The following PLEKHA5 variants were observed in gnomAD, a reference collection of about 807,000 sequenced individuals.
The protein encoded by PLEKHA5 is pleckstrin homology domain containing A5.
In PLEKHA5, 55 loss-of-function variants were observed where a neutral mutation model predicts 181.9. The ratio of observed to expected loss-of-function variants is 0.30; its 90% CI spans 0.24 to 0.38. The LOEUF (loss-of-function observed/expected upper bound fraction) is 0.38. PLEKHA5 is among the 10% of genes least tolerant of loss of function. The pLI is 1.00. For missense variants in PLEKHA5, 1,432 were observed against 1,549.5 expected (o/e 0.92, Z 1.27); for synonymous variants, 535 against 529.4 (o/e 1.01, Z -0.15).
chr12:19,161,091 C>T (rs2042857068), intron 3 of PLEKHA5, among the ~76,000 whole-genome samples: 1 of 152,008 alleles, frequency 6.6e-6, no homozygotes. Context: ...AGTTCATGTC[C>T]CTTCTTAGTA....
intron 17 of PLEKHA5, 92 bp downstream of exon 17, chr12:19,320,148 G>A: frequency 1.0e-5 from 5 of 499,944 alleles, no homozygotes; most frequent in African/African-American, 2.0e-5. Flanking sequence ...TACACAGTGT[G>A]TGTTTATGTA....
chr12:19,296,234 C>T (rs924682466), intron 15 of PLEKHA5, among the ~76,000 whole-genome samples: 6 of 140,364 alleles, frequency 4.3e-5, no homozygotes, highest in East Asian at 4.4e-4. Flanking sequence ...AGTGAGACTC[C>T]GTCTGAAAAA....
At chr12:19,155,566 A>G (rs2041490722) in intron 3 of PLEKHA5, among the ~76,000 whole-genome samples, 1 of 152,300 alleles carries the variant, frequency 6.6e-6, no homozygotes. Context: ...TTTTGAATCA[A>G]ATGGAATCTG....
At chr12:19,197,556 T>A (rs1268215467) in intron 3 of PLEKHA5, among the ~76,000 whole-genome samples, 1 of 152,140 alleles carries the variant, frequency 6.6e-6, no homozygotes, top group Non-Finnish European at 1.5e-5. Flanking sequence ...TTATTGTGTT[T>A]GCACTTGTCT....
intron 3 of PLEKHA5, among the ~76,000 whole-genome samples, chr12:19,165,519 T>C (rs2044141670): frequency 1.3e-5 from 2 of 152,044 alleles, no homozygotes; most frequent in African/African-American, 4.8e-5. Flanking sequence ...TGTTATGGCC[T>C]CCTAGACATC....
At position 19,257,419 on chromosome 12, in the gene PLEKHA5, C is replaced by G. The variant is rs774935852; in HGVS notation, c.433-14C>G. On this transcript the variant is annotated splice_polypyrimidine_tract_variant and intron_variant, in intron 5 of 31. Transcript: ENST00000429027. ...TTAATACCACATTTTCTGTCATGCT[C>G]TTTTTCTATTTAGACTTCACGAGCT... 3 of 1,345,390 alleles carry G rather than the reference C, an allele frequency of 2.2e-6. No homozygotes were observed. Among genetic ancestry groups the G allele is most frequent in the South Asian group, 2.5e-5 (2 of 79,758 alleles). The allele number at this position is 1,345,390 out of a possible 1,614,324, so 83.3% of individuals were successfully genotyped here.
chr12:19,353,522 C>T lies in PLEKHA5; in HGVS notation c.3020-362C>T, dbSNP rs562368955. 6.0e-5 allele frequency among the ~76,000 whole-genome samples: 9 copies of T among 150,930 alleles called. No homozygotes were observed. In the South Asian group the frequency reaches 1.3e-3, roughly 21 times the overall value. On this transcript the variant is annotated intron_variant, in intron 25 of 31. Coordinates refer to ENST00000429027, the MANE Select transcript of PLEKHA5 (RefSeq NM_001256470.2). Reference sequence around the variant, plus strand: ...TGTTGCCCACGCTGGTGCAATGGTGCGATCTCGGTTTACTGCAACCTCTGA... The same window carrying T: ...TGTTGCCCACGCTGGTGCAATGGTGTGATCTCGGTTTACTGCAACCTCTGA...
At chr12:19,315,784 A>C (rs950380006) in intron 16 of PLEKHA5, among the ~76,000 whole-genome samples, 1 of 152,182 alleles carries the variant, frequency 6.6e-6, no homozygotes, top group Non-Finnish European at 1.5e-5. Flanking sequence ...CTTTGAGCTC[A>C]TGCTGGCTTT....
At chr12:19,276,018 A>G (rs151204969) in intron 11 of PLEKHA5, among the ~76,000 whole-genome samples, 102 of 152,336 alleles carry the variant, frequency 6.7e-4, no homozygotes, top group African/African-American at 2.2e-3. Flanking sequence ...TTTCGGGACA[A>G]CAGCACAATC....
intron 3 of PLEKHA5, among the ~76,000 whole-genome samples, chr12:19,250,657 A>G (rs2065035089): frequency 6.6e-6 from 1 of 152,228 alleles, no homozygotes; most frequent in Non-Finnish European, 1.5e-5. Context: ...TCTTCTAGAA[A>G]TACAAATTTT....
intron 15 of PLEKHA5, among the ~76,000 whole-genome samples, chr12:19,299,127 T>C (rs981161729): frequency 4.6e-5 from 7 of 152,240 alleles, no homozygotes; most frequent in African/African-American, 1.7e-4. Flanking sequence ...TTTGTGAAAA[T>C]GGCAGAATTA....
intron 2 of PLEKHA5, among the ~76,000 whole-genome samples, chr12:19,132,084 C>A (rs568345500): frequency 6.6e-6 from 1 of 152,158 alleles, no homozygotes; most frequent in East Asian, 1.9e-4. Context: ...ATGAGTGTTC[C>A]ACCTGGGATG....
chr12:19,269,059 G>A (rs2071593192), intron 8 of PLEKHA5, among the ~76,000 whole-genome samples: 1 of 151,762 alleles, frequency 6.6e-6, no homozygotes, highest in African/African-American at 2.4e-5. Context: ...CTGGTTGCTG[G>A]GAATATTCTT....
chr12:19,361,223 A>G (rs2095228208), intron 28 of PLEKHA5, among the ~76,000 whole-genome samples: 1 of 151,886 alleles, frequency 6.6e-6, no homozygotes, highest in African/African-American at 2.4e-5. Flanking sequence ...TCGCTCTGTC[A>G]CCCAGGCTGG....
intron 15 of PLEKHA5, among the ~76,000 whole-genome samples, chr12:19,291,932 G>A (rs1234629281): frequency 6.6e-6 from 1 of 152,132 alleles, no homozygotes; most frequent in East Asian, 1.9e-4. Context: ...TGAAATTGAG[G>A]GCCTAAATTC....
intron 3 of PLEKHA5, among the ~76,000 whole-genome samples, chr12:19,251,223 G>C (rs1221932529): frequency 6.6e-6 from 1 of 151,850 alleles, no homozygotes; most frequent in Non-Finnish European, 1.5e-5. Context: ...TGGCCAACAT[G>C]GCAAAACCCC....
At chr12:19,323,574 T>C (rs997490308) in intron 20 of PLEKHA5, among the ~76,000 whole-genome samples, 1 of 152,008 alleles carries the variant, frequency 6.6e-6, no homozygotes, top group Non-Finnish European at 1.5e-5. Context: ...CCCAGGACTT[T>C]GGGAGGCCGA....
intron 3 of PLEKHA5, among the ~76,000 whole-genome samples, chr12:19,138,674 A>G (rs889839255): frequency 2.6e-5 from 4 of 151,678 alleles, no homozygotes; most frequent in Non-Finnish European, 5.9e-5. Context: ...AAGAGGTGGG[A>G]GTTGAGCTAG....
chr12:19,306,328 G>A (rs947269147), intron 15 of PLEKHA5: 18 of 414,804 alleles, frequency 4.3e-5, no homozygotes, highest in Non-Finnish European at 7.6e-5. Context: ...TGGAGGCGAG[G>A]TGGGGGTGGC....
Sources: allele counts gnomAD v4.1 joint callset (sites outside exome capture counted in the v4.1 genomes callset), GRCh38; gene constraint gnomAD v4.1.1; transcripts MANE v1.5; gene names NCBI Gene and HGNC (gene_info 2026-07-23, HGNC 2026-07-21).